PARD3: variants seen among roughly 807,000 people sequenced by gnomAD.
PARD3 encodes partitioning defective 3 homolog.
PARD3 carries 75 observed loss-of-function variants against 155.4 expected under a neutral mutation model. The ratio of observed to expected loss-of-function variants is 0.48; its 90% confidence interval spans 0.40 to 0.58. PARD3 has a LOEUF of 0.58. PARD3 is among the 20% of genes least tolerant of loss of function. The probability of loss-of-function intolerance (pLI) is 0.00; values close to 1 mark genes in which losing one functional copy is unlikely to be tolerated. For synonymous variants in PARD3, 576 were observed against 610.5 expected (o/e 0.94, Z 0.83); for missense variants, 1,642 against 1,721.7 (o/e 0.95, Z 0.82).
rs575137776 is a variant in PARD3 at position 34,637,971 on chromosome 10, A to G, written c.222+58347T>C. The stretch of plus-strand genomic sequence containing the variant: ...AGGCAAAAACAACTCTGTATCTGCA[A>G]GTGTACACATAAACAAGACACACGG... On this transcript the variant is annotated intron_variant, in intron 2 of 24. Coordinates refer to ENST00000374788, the MANE Select transcript of PARD3 (RefSeq NM_001184785.2). Among the ~76,000 whole-genome samples, 61 of 152,352 alleles carry G rather than the reference A, an allele frequency of 4.0e-4. No individual in the cohort carries two copies. The South Asian group carries it at 0.013, about 32-fold the overall frequency.
intron 3 of PARD3, among the ~76,000 whole-genome samples, chr10:34,496,751 A>T (rs891261617): frequency 2.6e-5 from 4 of 152,228 alleles, no homozygotes; most frequent in African/African-American, 9.6e-5. Flanking sequence ...ATATCAATCA[A>T]ATGTAAGGTG....
rs182861622 is a variant in PARD3 at position 34,148,006 on chromosome 10, T to C, written c.3420-16423A>G. ...GGAACACTGCCTTGCCTGTATTTTATACTTCCAACCGATGTCCAAGTACTG... is the reference window on the plus strand; with the variant it reads ...GGAACACTGCCTTGCCTGTATTTTACACTTCCAACCGATGTCCAAGTACTG... On this transcript the variant is annotated intron_variant, in intron 22 of 24. Coordinates refer to ENST00000374788, the MANE Select transcript of PARD3 (RefSeq NM_001184785.2). 2.6e-3 allele frequency among the ~76,000 whole-genome samples: 400 copies of C among 152,280 alleles called. 5 individuals carry two copies. The highest frequency in any genetic ancestry group is 9.1e-3 in the African/African-American group (377 of 41,566).
intron 22 of PARD3, among the ~76,000 whole-genome samples, chr10:34,201,214 G>A (rs1951193897): frequency 6.6e-6 from 1 of 152,204 alleles, no homozygotes; most frequent in Admixed American, 6.5e-5. Flanking sequence ...GGGGAGCTCT[G>A]AGGATAAAGG....
At chr10:34,268,658 C>T (rs1955458730) in intron 22 of PARD3, among the ~76,000 whole-genome samples, 1 of 152,032 alleles carries the variant, frequency 6.6e-6, no homozygotes, top group Non-Finnish European at 1.5e-5. Flanking sequence ...AACCATCATT[C>T]TCAGCAAACT....
At position 34,493,221 on chromosome 10, in the gene PARD3, AAAGAAT is replaced by A. The variant is rs570294077; in HGVS notation, c.404-22964_404-22959del. Among the ~76,000 whole-genome samples the A allele has an allele frequency of 1.2e-3, 184 of 152,316 alleles. 1 individual carries two copies. The highest frequency in any genetic ancestry group is 4.3e-3 in the African/African-American group (178 of 41,576). ...TACAATGCAAGACATGCAAGTTATA[AAAGAAT>A]AAGTTGATAATGCAAAGCAAAGTAA... On this transcript the variant is annotated intron_variant, in intron 3 of 24. Transcript: ENST00000374788.
intron 1 of PARD3, among the ~76,000 whole-genome samples, chr10:34,739,201 C>T (rs1412940095): frequency 6.6e-6 from 1 of 152,120 alleles, no homozygotes; most frequent in Non-Finnish European, 1.5e-5. Context: ...AACTGGTGAA[C>T]AGCAAATAAA....
At position 34,479,211 on chromosome 10, in the gene PARD3, G is replaced by C. The variant is rs2078907257; in HGVS notation, c.404-8948C>G. ...GAGTCTCGCCCTGTCGCCCAGGCTG[G>C]AGTGCAGTGGCACAATCTTGGCTCA... On this transcript the variant is annotated intron_variant, in intron 3 of 24. Transcript: ENST00000374788. Among the ~76,000 whole-genome samples the C allele has an allele frequency of 6.7e-5, 10 of 149,442 alleles. No individual in the cohort carries two copies. The South Asian group carries it at 2.1e-3, about 32-fold the overall frequency.
chr10:34,547,254 T>C (rs2084156044), intron 2 of PARD3, among the ~76,000 whole-genome samples: 1 of 152,260 alleles, frequency 6.6e-6, no homozygotes, highest in South Asian at 2.1e-4. Flanking sequence ...ACTGGATTAC[T>C]TACTGTGCTT....
At chr10:34,242,857 T>C (rs562486638) in intron 22 of PARD3, among the ~76,000 whole-genome samples, 9 of 152,138 alleles carry the variant, frequency 5.9e-5, no homozygotes, top group Admixed American at 5.9e-4. Flanking sequence ...ATCACTTGAA[T>C]CTGGGAGGCG....
chr10:34,552,934 C>T (rs2084703926), intron 2 of PARD3, among the ~76,000 whole-genome samples: 1 of 152,168 alleles, frequency 6.6e-6, no homozygotes, highest in African/African-American at 2.4e-5. Context: ...ATAACAGTAA[C>T]ACCAACTGAA....
chr10:34,592,382 C>T (rs910639940), intron 2 of PARD3, among the ~76,000 whole-genome samples: 1 of 152,188 alleles, frequency 6.6e-6, no homozygotes, highest in Admixed American at 6.5e-5. Context: ...GAATAACTGA[C>T]ATTTCCCTTC....
At chr10:34,367,138 C>T (rs916043998) in intron 12 of PARD3, among the ~76,000 whole-genome samples, 1 of 152,138 alleles carries the variant, frequency 6.6e-6, no homozygotes, top group Non-Finnish European at 1.5e-5. Context: ...GGGACATTCT[C>T]AAAGTAATCT....
At chr10:34,470,650 C>T (rs1416247683) in intron 3 of PARD3, among the ~76,000 whole-genome samples, 1 of 152,144 alleles carries the variant, frequency 6.6e-6, no homozygotes, top group African/African-American at 2.4e-5. Flanking sequence ...CAGTGCTAGA[C>T]ATATAGTGTG....
At chr10:34,228,627 CG>C (rs1564500577) in intron 22 of PARD3, among the ~76,000 whole-genome samples, 1 of 151,912 alleles carries the variant, frequency 6.6e-6, no homozygotes, top group Non-Finnish European at 1.5e-5. Context: ...ACACTTTAAA[CG>C]GGTGAATTAT....
chr10:34,568,030 T>C (rs1327838545), intron 2 of PARD3, among the ~76,000 whole-genome samples: 2 of 152,218 alleles, frequency 1.3e-5, no homozygotes, highest in Admixed American at 6.5e-5. Flanking sequence ...TGTCTTCCAT[T>C]CACTAGGCAG....
rs571585056 is a variant in PARD3 at position 34,532,945 on chromosome 10, C to A, written c.223-15786G>T. 5.9e-5 allele frequency among the ~76,000 whole-genome samples: 9 copies of A among 152,284 alleles called. No individual in the cohort carries two copies. The East Asian group carries it at 1.7e-3, about 29-fold the overall frequency. ...TATTACATAAACCTGGAGGTATACC[C>A]TATTACACACCTAAGCTATTATGTT... On this transcript the variant is annotated intron_variant, in intron 2 of 24. Coordinates refer to ENST00000374788, the MANE Select transcript of PARD3 (RefSeq NM_001184785.2).
At chr10:34,248,972 A>G (rs1954128552) in intron 22 of PARD3, among the ~76,000 whole-genome samples, 1 of 152,224 alleles carries the variant, frequency 6.6e-6, no homozygotes, top group Non-Finnish European at 1.5e-5. Flanking sequence ...CTCTTAACAC[A>G]TAAGAGTTCT....
At chr10:34,605,541 ATATATATATATATATCTCC>A (rs1231417494) in intron 2 of PARD3, among the ~76,000 whole-genome samples, 1 of 63,516 alleles carries the variant, frequency 1.6e-5, no homozygotes, top group Non-Finnish European at 2.7e-5. Context: ...TATCTCCTAT[ATATATATATATATATCTCC>A]TATATATATA....
intron 2 of PARD3, among the ~76,000 whole-genome samples, chr10:34,588,734 C>A (rs2088347557): frequency 1.3e-5 from 2 of 152,178 alleles, no homozygotes; most frequent in African/African-American, 4.8e-5. Flanking sequence ...TTCTGAAACA[C>A]TGAACCTGCA....
Sources: allele counts gnomAD v4.1 joint callset (sites outside exome capture counted in the v4.1 genomes callset), GRCh38; gene constraint gnomAD v4.1.1; transcripts MANE v1.5; gene names NCBI Gene and HGNC (gene_info 2026-07-23, HGNC 2026-07-21).